FAM184A: variants seen among roughly 807,000 people sequenced by gnomAD.
FAM184A encodes the protein protein FAM184A.
In FAM184A, 99 loss-of-function variants were observed where a neutral mutation model predicts 143.8. The observed-to-expected ratio is 0.69, with a 90% CI of 0.58 to 0.81. The LOEUF is 0.81. Ranked by LOEUF, FAM184A falls within the 40% of genes least tolerant of loss-of-function variation. The pLI, the probability that FAM184A is intolerant of heterozygous loss-of-function variation, is 0.00. For missense variants in FAM184A, 1,217 were observed against 1,310.5 expected (o/e 0.93, Z 1.10); for synonymous variants, 427 against 446.4 (o/e 0.96, Z 0.55).
At chr6:119,022,245 G>A (rs1785473198) in intron 3 of FAM184A, among the ~76,000 whole-genome samples, 1 of 150,984 alleles carries the variant, frequency 6.6e-6, no homozygotes, top group Non-Finnish European at 1.5e-5. Context: ...TTTTAGTAGA[G>A]ATGTGGTTTC....
At chr6:118,994,687 AAAT>A (rs368881023) in intron 9 of FAM184A, among the ~76,000 whole-genome samples, 42,719 of 137,604 alleles carry the variant, frequency 0.31, 7,676 homozygotes, top group Non-Finnish European at 0.38. Context: ...CTCCATCTCT[AAAT>A]AAATAAATAA....
At chr6:119,142,138 G>A (rs1014998349) in intron 1 of FAM184A, among the ~76,000 whole-genome samples, 4 of 152,154 alleles carry the variant, frequency 2.6e-5, no homozygotes, top group South Asian at 2.1e-4. Context: ...AATCTATTTT[G>A]TATGCCCCAG....
intron 1 of FAM184A, among the ~76,000 whole-genome samples, chr6:119,142,692 C>T (rs991911038): frequency 3.3e-5 from 5 of 152,204 alleles, no homozygotes; most frequent in African/African-American, 7.2e-5. Context: ...GCACTTAATT[C>T]TCATAGACCT....
chr6:119,013,447 A>G (rs1318068438), intron 5 of FAM184A, among the ~76,000 whole-genome samples: 1 of 152,192 alleles, frequency 6.6e-6, no homozygotes, highest in East Asian at 1.9e-4. Context: ...TAGAAATGAA[A>G]AGTAATACCA....
chr6:119,116,111 G>A (rs1380799179), intron 1 of FAM184A, among the ~76,000 whole-genome samples: 1 of 152,028 alleles, frequency 6.6e-6, no homozygotes, highest in Non-Finnish European at 1.5e-5. Flanking sequence ...CCTGTTGAGG[G>A]TTTGAATTTC....
intron 16 of FAM184A, among the ~76,000 whole-genome samples, chr6:118,964,402 A>G (rs1040012064): frequency 6.6e-6 from 1 of 152,200 alleles, no homozygotes; most frequent in African/African-American, 2.4e-5. Context: ...CAGAGTCAGA[A>G]GGTTAGTTTT....
intron 1 of FAM184A, among the ~76,000 whole-genome samples, chr6:119,067,573 T>C (rs1481017789): frequency 6.6e-6 from 1 of 152,224 alleles, no homozygotes; most frequent in Non-Finnish European, 1.5e-5. Context: ...GCTTCACTGT[T>C]AATGGATCAA....
Position 118,975,222 on chromosome 6 carries a change from A to G in FAM184A, c.2584-14T>C. On this transcript the variant is annotated splice_polypyrimidine_tract_variant and intron_variant, in intron 12 of 17. Transcript: ENST00000338891. ...GTGCTCCTTACTCTGTTAAAAAAAA[A>G]AAGTCATTTTTAGAAGTTTTCTACA... 6.6e-7 allele frequency: 1 copy of G among 1,512,674 alleles called. No individual in the cohort carries two copies. Among genetic ancestry groups the G allele is most frequent in the South Asian group, 1.3e-5 (1 of 77,232 alleles). 93.7% of individuals were successfully genotyped at this position (1,512,674 alleles called of 1,614,324 possible).
intron 4 of FAM184A, among the ~76,000 whole-genome samples, chr6:119,018,723 G>A (rs1214788242): frequency 2.6e-5 from 4 of 152,110 alleles, no homozygotes; most frequent in Non-Finnish European, 5.9e-5. Flanking sequence ...CTATAATCCA[G>A]GCAAGCAATG....
chr6:118,964,847 T>G (rs530694270), intron 15 of FAM184A, 76 bp from the exon 16 acceptor site: 1 of 732,884 alleles, frequency 1.4e-6, no homozygotes, highest in Admixed American at 2.8e-5. Context: ...ATAAACGCCA[T>G]TTCATTTAAA....
At chr6:118,991,539 T>C (rs1025395469) in intron 9 of FAM184A, among the ~76,000 whole-genome samples, 7 of 152,130 alleles carry the variant, frequency 4.6e-5, no homozygotes, top group African/African-American at 1.7e-4. Context: ...AAAGAGTACC[T>C]GGCAAGTGGA....
intron 1 of FAM184A, among the ~76,000 whole-genome samples, chr6:119,135,664 G>A (rs944121654): frequency 6.6e-6 from 1 of 152,074 alleles, no homozygotes; most frequent in Non-Finnish European, 1.5e-5. Flanking sequence ...AGAGAGTTGA[G>A]TTTCCACAGT....
intron 3 of FAM184A, 139 bp downstream of exon 3, chr6:119,022,806 G>A: frequency 2.2e-6 from 2 of 917,306 alleles, no homozygotes; most frequent in Non-Finnish European, 1.6e-6. Flanking sequence ...GAACCCAGGA[G>A]GCAGAGGTTG....
intron 14 of FAM184A, among the ~76,000 whole-genome samples, chr6:118,970,008 A>ATATATATATATATTT: frequency 5.2e-5 from 1 of 19,052 alleles, no homozygotes; most frequent in African/African-American, 1.5e-4. Context: ...ATATATATAT[A>ATATATATATATATTT]TTTTTTTTTT....
chr6:118,999,118 C>G (rs1393318415), intron 9 of FAM184A, among the ~76,000 whole-genome samples: 1 of 152,050 alleles, frequency 6.6e-6, no homozygotes, highest in Non-Finnish European at 1.5e-5. Flanking sequence ...GTCTGGTGTA[C>G]AAGACAGGAG....
intron 1 of FAM184A, among the ~76,000 whole-genome samples, chr6:119,141,952 A>G (rs1254548361): frequency 6.6e-6 from 1 of 152,234 alleles, no homozygotes; most frequent in Non-Finnish European, 1.5e-5. Flanking sequence ...CACACAACAA[A>G]TCCTGTCTAA....
At chr6:118,972,549 A>G (rs1030386572) in intron 14 of FAM184A, among the ~76,000 whole-genome samples, 1 of 152,160 alleles carries the variant, frequency 6.6e-6, no homozygotes, top group Non-Finnish European at 1.5e-5. Flanking sequence ...ATGAAAGGAG[A>G]GTCTAGAAAA....
rs140161532 is a variant in FAM184A, at chr6:119,002,008, T to C, written c.2088+891A>G. On this transcript the variant is annotated intron_variant, in intron 9 of 17. Transcript: ENST00000338891. ...ACACAAATGTAAACATACATATGTA[T>C]TCTCTCTTTTCAGAGTAACATTATA... is the stretch of plus-strand genomic sequence containing the variant. Among the ~76,000 whole-genome samples, 392 of 152,326 alleles carry C rather than the reference T, an allele frequency of 2.6e-3. 1 individual carries two copies. The highest frequency in any genetic ancestry group is 0.014 in the Middle Eastern group (4 of 294).
At chr6:119,086,034 G>A (rs1004472196) in intron 1 of FAM184A, among the ~76,000 whole-genome samples, 23 of 152,104 alleles carry the variant, frequency 1.5e-4, no homozygotes, top group African/African-American at 5.6e-4. Context: ...ACCTCCAACA[G>A]GACATTACAA....
Sources: allele counts gnomAD v4.1 joint callset (sites outside exome capture counted in the v4.1 genomes callset), GRCh38; gene constraint gnomAD v4.1.1; transcripts MANE v1.5; gene names NCBI Gene and HGNC (gene_info 2026-07-23, HGNC 2026-07-21).